Variants in LDB3 observed in about 807,000 individuals in gnomAD.
LDB3 encodes LIM domain binding 3.
Under a neutral mutation model 69.0 loss-of-function variants are expected in LDB3, and 49 were observed. That is an observed-to-expected ratio of 0.71 (90% CI 0.56 to 0.90). The LOEUF is 0.90. LDB3 is among the 40% of genes least tolerant of loss of function. LDB3 has a pLI of 0.00. For missense variants in LDB3, 928 were observed against 974.1 expected (o/e 0.95, Z 0.63); for synonymous variants, 387 against 396.2 (o/e 0.98, Z 0.28).
intron 2 of LDB3, among the ~76,000 whole-genome samples, chr10:86,672,904 G>A (rs567074452): frequency 6.6e-6 from 1 of 152,368 alleles, no homozygotes; most frequent in East Asian, 1.9e-4. Flanking sequence ...CCAGTGTCAG[G>A]ACTGCAGGGC....
At chr10:86,667,409 A>G (rs367844140), upstream of LDB3, among the ~76,000 whole-genome samples, 5 of 152,260 alleles carry the variant, frequency 3.3e-5, no homozygotes, top group East Asian at 5.8e-4. Context: ...CAGACCACAT[A>G]GGGGCCTGAG....
rs1308669392 is a variant in LDB3 at position 86,681,548 on chromosome 10, C to T, written c.434C>T (p.Ala145Val). 1.9e-6 allele frequency: 3 copies of T among 1,612,966 alleles called. No individual in the cohort carries two copies. Among genetic ancestry groups the T allele is most frequent in the Admixed American group, 3.3e-5 (2 of 60,012 alleles). Residue 145 changes from alanine to valine, a missense_variant, in exon 5 of 14, where the codon GCC (alanine) becomes GTC (valine). Coordinates refer to ENST00000361373, the MANE Select transcript of LDB3 (RefSeq NM_007078.3). ...GAGCTCAGGCCCACCTTTAGCCCTG[C>T]CTTCTCCCGGCCCTCCGCCTTCTCC... ...TPELRPTFSP[A>V]FSRPSAFSSL...
At chr10:86,679,325 C>T in intron 2 of LDB3, 42 bp from the exon 3 acceptor site, 1 of 1,613,614 alleles carries the variant, frequency 6.2e-7, no homozygotes. Flanking sequence ...TCCTCAGGAC[C>T]ACCTTCCTTA....
At chr10:86,671,338 A>G (rs1339525673) in intron 2 of LDB3, among the ~76,000 whole-genome samples, 1 of 152,110 alleles carries the variant, frequency 6.6e-6, no homozygotes, top group African/African-American at 2.4e-5. Context: ...TGTGTGCTGC[A>G]GCTCCTCCTG....
At chr10:86,706,284 C>T (rs1846438591) in intron 7 of LDB3, among the ~76,000 whole-genome samples, 1 of 152,014 alleles carries the variant, frequency 6.6e-6, no homozygotes. Context: ...GAAATTCCTC[C>T]AGGATTGAAA....
At chr10:86,692,448 C>A in intron 6 of LDB3, 87 bp from the exon 7 acceptor site, 1 of 1,347,988 alleles carries the variant, frequency 7.4e-7, no homozygotes, top group Non-Finnish European at 1.1e-6. Context: ...CTGGCTGAAT[C>A]CTGGGGACTC....
At chr10:86,692,325 C>G (rs1845804536) in intron 6 of LDB3, among the ~76,000 whole-genome samples, 2 of 152,244 alleles carry the variant, frequency 1.3e-5, no homozygotes, top group Non-Finnish European at 2.9e-5. Flanking sequence ...GAGATGATTG[C>G]CCAGGGCTGG....
intron 5 of LDB3, among the ~76,000 whole-genome samples, chr10:86,691,115 G>A (rs78559934): frequency 3.9e-5 from 6 of 152,324 alleles, no homozygotes; most frequent in Non-Finnish European, 5.9e-5. Flanking sequence ...CACTGGACCC[G>A]AGGGGCTCTA....
intron 7 of LDB3, among the ~76,000 whole-genome samples, chr10:86,701,200 A>G (rs911982069): frequency 6.6e-6 from 1 of 152,210 alleles, no homozygotes; most frequent in Non-Finnish European, 1.5e-5. Flanking sequence ...GCCTCCTGGA[A>G]CACACTCATA....
chr10:86,680,750 G>C (rs1168552608), intron 4 of LDB3, among the ~76,000 whole-genome samples: 1 of 152,222 alleles, frequency 6.6e-6, no homozygotes, highest in Non-Finnish European at 1.5e-5. Flanking sequence ...CCCTTCCCAA[G>C]GCCCCGCCAA....
Position 86,679,400 on chromosome 10 carries a change from C to T in LDB3, c.127C>T (p.Leu43Phe). 3.7e-6 allele frequency: 6 copies of T among 1,614,188 alleles called. No individual in the cohort carries two copies. The highest frequency in any genetic ancestry group is 5.1e-6 in the Non-Finnish European group (6 of 1,180,036). ...TPGSKAAQSQ[L>F]SQGDLVVAID... is the part of the protein sequence containing the mutation. ...AGGCAGCAAGGCAGCCCAGTCCCAG[C>T]TCAGCCAGGGTGACCTCGTGGTGGC... is the stretch of plus-strand genomic sequence containing the variant. Residue 43 changes from leucine (L) to phenylalanine (F), a missense_variant, in exon 3 of 14, where the codon CTC (leucine) becomes TTC (phenylalanine). Physicochemically the swap from Leu to Phe is conservative, Grantham distance 22. Transcript: ENST00000361373.
chr10:86,729,334 T>G (rs1245276838), intron 13 of LDB3, among the ~76,000 whole-genome samples: 1 of 152,150 alleles, frequency 6.6e-6, no homozygotes, highest in Non-Finnish European at 1.5e-5. Flanking sequence ...AAGTTAAGCT[T>G]CTGTCTGGCG....
chr10:86,731,370 G>A lies in LDB3; in HGVS notation c.2095-1517G>A, dbSNP rs534021950. On this transcript the variant is annotated intron_variant, in intron 13 of 13. Transcript: ENST00000361373. ...CTCCTGAGTAGCTGGGATTACCAGTGCGCACCACCACACCCGGCTAATTTT... is the reference window on the plus strand; with the variant it reads ...CTCCTGAGTAGCTGGGATTACCAGTACGCACCACCACACCCGGCTAATTTT... Among the ~76,000 whole-genome samples, 22 of 151,184 alleles carry A rather than the reference G, an allele frequency of 1.5e-4. No individual in the cohort carries two copies. In the South Asian group the frequency reaches 4.6e-3, roughly 32 times the overall value.
intron 12 of LDB3, among the ~76,000 whole-genome samples, chr10:86,719,921 A>G (rs2132489869): frequency 6.6e-6 from 1 of 152,354 alleles, no homozygotes; most frequent in African/African-American, 2.4e-5. Context: ...AAGGTAACAC[A>G]GACATGAAGG....
At chr10:86,704,083 C>T (rs896940143) in intron 7 of LDB3, among the ~76,000 whole-genome samples, 2 of 151,506 alleles carry the variant, frequency 1.3e-5, no homozygotes, top group Non-Finnish European at 2.9e-5. Context: ...CATTGCACTC[C>T]AGCCTGGGCA....
chr10:86,687,321 G>GGGT (rs1564639708), intron 5 of LDB3: 6 of 1,559,814 alleles, frequency 3.8e-6, no homozygotes, highest in Non-Finnish European at 5.3e-6. Context: ...AGAGCCCGAG[G>GGGT]GGTATGGGCC....
At chr10:86,707,733 C>T (rs1341737900) in intron 8 of LDB3, among the ~76,000 whole-genome samples, 2 of 152,144 alleles carry the variant, frequency 1.3e-5, no homozygotes, top group Admixed American at 6.5e-5. Flanking sequence ...AGCAAACCGG[C>T]TTGCAGGCCT....
intron 5 of LDB3, among the ~76,000 whole-genome samples, chr10:86,687,929 C>T (rs1264007502): frequency 1.3e-5 from 2 of 152,142 alleles, no homozygotes; most frequent in African/African-American, 4.8e-5. Flanking sequence ...AAAATGCTAG[C>T]AATGCAAACA....
At chr10:86,730,043 G>A (rs1847399783) in intron 13 of LDB3, among the ~76,000 whole-genome samples, 1 of 152,164 alleles carries the variant, frequency 6.6e-6, no homozygotes, top group South Asian at 2.1e-4. Context: ...GTTATACTCA[G>A]CATCACTGCA....
Sources: gnomAD v4.1 joint callset for allele counts (sites outside exome capture counted in the v4.1 genomes callset) on GRCh38, gnomAD v4.1.1 for gene constraint, MANE v1.5 for transcripts, NCBI Gene and HGNC (gene_info 2026-07-23, HGNC 2026-07-21) for gene names.